Variants in SULF2 observed in about 807,000 individuals in gnomAD.
The protein encoded by SULF2 is sulfatase 2.
Under a neutral mutation model 107.7 loss-of-function variants are expected in SULF2, and 52 were observed. The ratio of observed to expected loss-of-function variants is 0.48; its 90% CI spans 0.39 to 0.61. SULF2 has a LOEUF of 0.61. Among genes scored for constraint, SULF2 ranks in the 20% least tolerant of loss-of-function variants. The probability of loss-of-function intolerance (pLI) is 0.00; values close to 1 mark genes in which losing one functional copy is unlikely to be tolerated. For synonymous variants in SULF2, 460 were observed against 464.3 expected, an observed-to-expected ratio of 0.99 and a Z score of 0.12; for missense variants, 993 against 1,177.3, an observed-to-expected ratio of 0.84 and a Z score of 2.29.
intron 2 of SULF2, among the ~76,000 whole-genome samples, chr20:47,745,436 TATATATATATATATATATATAC>T (rs2090009108): frequency 7.6e-5 from 1 of 13,234 alleles, no homozygotes; most frequent in Non-Finnish European, 2.0e-4. Context: ...TATATATATA[TATATATATATATATATATATAC>T]ACATACACAC....
chr20:47,785,298 C>G (rs2090905306), intron 1 of SULF2, 45 bp downstream of exon 1: 1 of 144,626 alleles, frequency 6.9e-6, no homozygotes, highest in African/African-American at 2.5e-5. Context: ...CCCGCCCGAG[C>G]CCCGCGTCCC....
intron 7 of SULF2, among the ~76,000 whole-genome samples, chr20:47,679,079 C>T (rs1312367609): frequency 6.6e-6 from 1 of 150,914 alleles, no homozygotes; most frequent in Non-Finnish European, 1.5e-5. Context: ...CCTTCCTGTC[C>T]CCACTTCCTG....
chr20:47,748,079 T>C (rs931234332), intron 2 of SULF2, among the ~76,000 whole-genome samples: 2 of 152,140 alleles, frequency 1.3e-5, no homozygotes, highest in African/African-American at 4.8e-5. Context: ...GCTGACCAGC[T>C]CAGAACATTC....
At chr20:47,681,910 C>T (rs2087835551) in intron 7 of SULF2, among the ~76,000 whole-genome samples, 1 of 152,154 alleles carries the variant, frequency 6.6e-6, no homozygotes, top group African/African-American at 2.4e-5. Context: ...GTCTTGAACT[C>T]CTGACCTCAA....
At chr20:47,755,028 G>C (rs974663447) in intron 2 of SULF2, among the ~76,000 whole-genome samples, 1 of 151,972 alleles carries the variant, frequency 6.6e-6, no homozygotes, top group Non-Finnish European at 1.5e-5. Flanking sequence ...AAGACGGGGG[G>C]GGTCTCACTA....
At position 47,731,683 on chromosome 20, in the gene SULF2, C is replaced by T. The variant is rs2089617172; in HGVS notation, c.415+5020G>A. On this transcript the variant is annotated intron_variant, in intron 3 of 20. Transcript: ENST00000688720. ...ATCACCTCCTCAGAACCGAGGGGGA[C>T]ACAGCCAGAGTAAAATTGCTGAGTA... 2.0e-5 allele frequency among the ~76,000 whole-genome samples: 3 copies of T among 152,214 alleles called. No individual in the cohort carries two copies. The South Asian group carries it at 6.2e-4, about 31-fold the overall frequency.
At chr20:47,756,656 T>TC (rs1425823411) in intron 2 of SULF2, among the ~76,000 whole-genome samples, 2 of 151,184 alleles carry the variant, frequency 1.3e-5, no homozygotes, top group East Asian at 3.9e-4. Context: ...TCTTTTTTTT[T>TC]TTTTTTTGAG....
At chr20:47,662,555 C>T (rs911942768) in intron 17 of SULF2, among the ~76,000 whole-genome samples, 2 of 152,234 alleles carry the variant, frequency 1.3e-5, no homozygotes, top group Non-Finnish European at 2.9e-5. Flanking sequence ...TGTCCCTGTA[C>T]AAGGGCCCAC....
chr20:47,697,765 T>C (rs1311066425), intron 4 of SULF2, among the ~76,000 whole-genome samples: 1 of 152,188 alleles, frequency 6.6e-6, no homozygotes, highest in Non-Finnish European at 1.5e-5. Flanking sequence ...AGGACGGACG[T>C]TCTATGTCCC....
At chr20:47,731,210 T>TTTTTTTG (rs1491437167) in intron 3 of SULF2, among the ~76,000 whole-genome samples, 5 of 135,760 alleles carry the variant, frequency 3.7e-5, no homozygotes, top group African/African-American at 1.5e-4. Flanking sequence ...TTTTTTTTTT[T>TTTTTTTG]GAGACAGAGT....
chr20:47,762,153 A>C (rs2090431708), intron 1 of SULF2, among the ~76,000 whole-genome samples: 1 of 152,254 alleles, frequency 6.6e-6, no homozygotes, highest in Non-Finnish European at 1.5e-5. Context: ...AAAACAGACT[A>C]ATACATTATC....
intron 4 of SULF2, among the ~76,000 whole-genome samples, chr20:47,693,420 A>G (rs1034640530): frequency 1.3e-5 from 2 of 152,220 alleles, no homozygotes; most frequent in African/African-American, 2.4e-5. Flanking sequence ...TCACTACTTC[A>G]TCTTAGAACT....
chr20:47,678,639 C>T lies in SULF2; in HGVS notation c.1193+37G>A. The T allele has an allele frequency of 6.2e-7, 1 of 1,610,670 alleles. No homozygotes were observed. Among genetic ancestry groups the T allele is most frequent in the Non-Finnish European group, 8.5e-7 (1 of 1,178,392 alleles). ...GCTCTGAGTTCCCGCAGGTCAATGTCCCGGCCCCCTCAACACCTGCCCTGC... is the reference window on the plus strand; with the variant it reads ...GCTCTGAGTTCCCGCAGGTCAATGTTCCGGCCCCCTCAACACCTGCCCTGC... On this transcript the variant is annotated intron_variant, in intron 8 of 20. Coordinates refer to ENST00000688720, the MANE Select transcript of SULF2 (RefSeq NM_001387048.1). The surrounding 1 kb of genome is among the most constrained non-coding windows in gnomAD (Gnocchi z 4.5).
chr20:47,676,240 G>T (rs528421291), intron 10 of SULF2, among the ~76,000 whole-genome samples: 1 of 152,192 alleles, frequency 6.6e-6, no homozygotes, highest in Non-Finnish European at 1.5e-5. Context: ...CTAGAGAGGC[G>T]CTAAGGGCAT....
chr20:47,768,957 T>G (rs2090577282), intron 1 of SULF2, among the ~76,000 whole-genome samples: 1 of 149,148 alleles, frequency 6.7e-6, no homozygotes, highest in South Asian at 2.2e-4. Flanking sequence ...CTTGGCTCAC[T>G]GCAACCTCCA....
intron 1 of SULF2, among the ~76,000 whole-genome samples, chr20:47,761,820 C>T (rs1568917381): frequency 6.6e-6 from 1 of 152,194 alleles, no homozygotes; most frequent in African/African-American, 2.4e-5. Flanking sequence ...TTGGCTGTGT[C>T]CTCACCCAAA....
chr20:47,731,011 C>A (rs2089585700), intron 3 of SULF2, among the ~76,000 whole-genome samples: 1 of 152,024 alleles, frequency 6.6e-6, no homozygotes, highest in Non-Finnish European at 1.5e-5. Context: ...CAGAAGGGAT[C>A]TCATGCCTTG....
intron 1 of SULF2, among the ~76,000 whole-genome samples, chr20:47,778,977 A>T (rs1238262172): frequency 2.0e-5 from 3 of 152,276 alleles, no homozygotes; most frequent in Admixed American, 2.0e-4. Flanking sequence ...GCAGACATCC[A>T]CGTTCACCAC....
chr20:47,785,011 C>T (rs1432246725), intron 1 of SULF2, among the ~76,000 whole-genome samples: 1 of 152,086 alleles, frequency 6.6e-6, no homozygotes, highest in Non-Finnish European at 1.5e-5. Flanking sequence ...GATGGCCGGC[C>T]CAGGCGCGCT....
Sources: gnomAD v4.1 joint callset for allele counts (sites outside exome capture counted in the v4.1 genomes callset) on GRCh38, gnomAD v4.1.1 for gene constraint, Gnocchi (gnomAD v3.1) non-coding constraint, MANE v1.5 for transcripts, NCBI Gene and HGNC (gene_info 2026-07-23, HGNC 2026-07-21) for gene names.